The following LAMA1 variants were observed in gnomAD, a reference collection of about 807,000 sequenced individuals.
The protein encoded by LAMA1 is laminin subunit alpha 1, also known as laminin subunit alpha-1.
Under a neutral mutation model 348.7 loss-of-function variants are expected in LAMA1, and 219 were observed. The observed-to-expected ratio is 0.63, with a 90% CI of 0.56 to 0.70. The LOEUF (loss-of-function observed/expected upper bound fraction) is 0.70, where lower values mean the gene tolerates loss of function less well. LAMA1 is among the 30% of genes least tolerant of loss of function. The pLI is 0.00. For synonymous variants in LAMA1, 1,487 were observed against 1,491.0 expected, an observed-to-expected ratio of 1.00 and a Z score of 0.06; for missense variants, 3,744 against 3,888.0, an observed-to-expected ratio of 0.96 and a Z score of 0.99.
intron 3 of LAMA1, among the ~76,000 whole-genome samples, chr18:7,078,308 A>G (rs1405075165): frequency 3.3e-5 from 5 of 151,090 alleles, no homozygotes; most frequent in Admixed American, 3.3e-4. Flanking sequence ...CTGGGACTAC[A>G]GGCGCCTGCC....
intron 1 of LAMA1, among the ~76,000 whole-genome samples, chr18:7,098,707 G>A (rs543761969): frequency 7.5e-5 from 11 of 147,034 alleles, no homozygotes; most frequent in African/African-American, 2.8e-4. Context: ...CACCCCATCC[G>A]GGAGGGAGGT....
At chr18:6,977,423 G>A (rs556951428) in intron 44 of LAMA1, among the ~76,000 whole-genome samples, 91 of 152,312 alleles carry the variant, frequency 6.0e-4, no homozygotes, top group African/African-American at 2.1e-3. Context: ...GACATGTTCC[G>A]CACTGTCCAG....
chr18:7,034,543 G>A lies in LAMA1; in HGVS notation c.1987C>T (p.Leu663Phe). 6.2e-7 allele frequency: 1 copy of A among 1,614,134 alleles called. No individual in the cohort carries two copies. Among genetic ancestry groups the A allele is most frequent in the Non-Finnish European group, 8.5e-7 (1 of 1,180,038 alleles). The change falls in exon 14 of 63, where the codon CTT becomes TTT. Residue 663 changes from leucine (L) to phenylalanine (F), a missense_variant. Physicochemically the swap from Leu to Phe is conservative, Grantham distance 22 (BLOSUM62 0). Coordinates refer to ENST00000389658, the MANE Select transcript of LAMA1 (RefSeq NM_005559.4). ...ATCAAAAGATGTGTCACATTGGCAA[G>A]GACAGTCATCAGCTGGTCACGATCA... ...QIDRDQLMTV[L>F]ANVTHLLIRA...
rs200867771 is a variant in LAMA1, at chr18:7,017,332, G to A, written c.2754C>T (p.Thr918=). ...CGTTTGGTTTGCAGTCACAGAGCCC[G>A]GTCTCAAGATGGCACACGGCAGAAT... ...GSHSAVCHLE[T]GLCDCKPNVT... The change falls in exon 20 of 63, where the codon ACC becomes ACT. Residue 918 remains threonine (T), a synonymous_variant. Coordinates refer to ENST00000389658, the MANE Select transcript of LAMA1 (RefSeq NM_005559.4). 9.9e-6 allele frequency: 16 copies of A among 1,614,002 alleles called. No individual in the cohort carries two copies. Among genetic ancestry groups the A allele is most frequent in the East Asian group, 4.5e-5 (2 of 44,866 alleles).
chr18:6,961,090 T>C (rs1042361488), intron 53 of LAMA1, among the ~76,000 whole-genome samples: 2 of 152,192 alleles, frequency 1.3e-5, no homozygotes, highest in African/African-American at 2.4e-5. Context: ...AAAAGGAACA[T>C]AAATAAGGAA....
chr18:7,051,036 T>C lies in LAMA1; in HGVS notation c.346-100A>G, dbSNP rs2058060745. ...TCTAACTTAAAGGTAGAATCTAAGA[T>C]AGTTGAACTTAGAATCAGACAGTAG... is the stretch of plus-strand genomic sequence containing the variant. On this transcript the variant is annotated intron_variant, in intron 3 of 62. Transcript: ENST00000389658. 38 of 1,454,840 alleles carry C rather than the reference T, an allele frequency of 2.6e-5. 1 individual carries two copies. The highest frequency in any genetic ancestry group is 1.8e-4 in the South Asian group (15 of 82,118). 90.1% of individuals were successfully genotyped at this position (1,454,840 alleles called of 1,614,324 possible). A position where few individuals can be genotyped will look rare whatever the true frequency, so the allele number is the denominator to read the frequency against.
At chr18:7,097,967 C>G (rs1405020443) in intron 1 of LAMA1, among the ~76,000 whole-genome samples, 2 of 150,720 alleles carry the variant, frequency 1.3e-5, no homozygotes, top group African/African-American at 2.4e-5. Flanking sequence ...CTGCCTGATT[C>G]TCCTGACTCA....
intron 1 of LAMA1, among the ~76,000 whole-genome samples, chr18:7,083,008 G>A (rs6506472): frequency 0.46 from 69,868 of 151,342 alleles, 16,736 homozygotes; most frequent in East Asian, 0.85. Flanking sequence ...GAGTCATGGA[G>A]GCACCACACA....
chr18:7,058,952 C>T (rs1327371989), intron 3 of LAMA1, among the ~76,000 whole-genome samples: 1 of 152,116 alleles, frequency 6.6e-6, no homozygotes, highest in Non-Finnish European at 1.5e-5. Context: ...TGCAATGGCA[C>T]AATCTCGACT....
At chr18:7,117,636 C>T in intron 1 of LAMA1, 24 bp downstream of exon 1, 5 of 1,594,794 alleles carry the variant, frequency 3.1e-6, no homozygotes, top group Non-Finnish European at 4.2e-6. Flanking sequence ...GGGACAGGGA[C>T]CCTAGGACCC....
At position 6,965,331 on chromosome 18, in the gene LAMA1, A is replaced by G. The variant is rs781673963; in HGVS notation, c.7152T>C (p.Asn2384=). 6 of 1,614,214 alleles carry G rather than the reference A, an allele frequency of 3.7e-6. No individual in the cohort carries two copies. Among genetic ancestry groups the G allele is most frequent in the Non-Finnish European group, 3.4e-6 (4 of 1,180,038 alleles). Reference sequence around the variant, plus strand: ...GGAAGGCAATTTTGTACCAGGTTCCATTGTTATAACGTCTGTCTGTCAAAA... The same window carrying G: ...GGAAGGCAATTTTGTACCAGGTTCCGTTGTTATAACGTCTGTCTGTCAAAA... The part of the protein sequence containing the change: ...ITLLTDRRYN[N]GTWYKIAFQR... Residue 2384 remains asparagine (N), a synonymous_variant, in exon 50 of 63, where the codon AAT becomes AAC. Transcript: ENST00000389658.
chr18:7,016,387 A>T (rs2057887864), intron 21 of LAMA1, 104 bp downstream of exon 21: 4 of 1,252,258 alleles, frequency 3.2e-6, no homozygotes, highest in Non-Finnish European at 4.6e-6. Flanking sequence ...GAAAGAAGAG[A>T]AAAAGTAAAG....
At chr18:7,019,514 C>G (rs2057905597) in intron 19 of LAMA1, among the ~76,000 whole-genome samples, 1 of 152,082 alleles carries the variant, frequency 6.6e-6, no homozygotes, top group African/African-American at 2.4e-5. Context: ...CTGTCACATT[C>G]AGTATTTCTT....
At chr18:7,022,669 G>A (rs1040700131) in intron 19 of LAMA1, among the ~76,000 whole-genome samples, 21 of 152,290 alleles carry the variant, frequency 1.4e-4, no homozygotes, top group African/African-American at 4.3e-4. Context: ...TTCAAGGATC[G>A]AATTCAGCAG....
chr18:7,014,509 C>A (rs1475180751), intron 22 of LAMA1, among the ~76,000 whole-genome samples: 1 of 151,896 alleles, frequency 6.6e-6, no homozygotes, highest in Non-Finnish European at 1.5e-5. Context: ...GTAGTCCCAG[C>A]CACTTGGGGG....
In LAMA1 at chr18:7,033,107, C is replaced by A; in HGVS notation, c.2052-12G>T. 1 of 1,573,012 alleles carries A rather than the reference C, an allele frequency of 6.4e-7. No homozygotes were observed. Among genetic ancestry groups the A allele is most frequent in the Non-Finnish European group, 8.7e-7 (1 of 1,147,466 alleles). ...AGACGGACTCCAACCTACAAATAGA[C>A]AGATTGTTATGTGACTCACACGCTC... On this transcript the variant is annotated splice_polypyrimidine_tract_variant and intron_variant, in intron 14 of 62. Coordinates refer to ENST00000389658, the MANE Select transcript of LAMA1 (RefSeq NM_005559.4).
chr18:7,002,007 G>C (rs917061206), intron 30 of LAMA1, among the ~76,000 whole-genome samples: 15 of 152,188 alleles, frequency 9.9e-5, no homozygotes, highest in African/African-American at 3.6e-4. Flanking sequence ...GCTAAAATGA[G>C]TCTTAAAAAA....
intron 57 of LAMA1, chr18:6,954,706 C>A (rs1405894302): frequency 1.2e-5 from 2 of 162,400 alleles, no homozygotes; most frequent in Admixed American, 5.7e-5. Context: ...GCAGGAGCTG[C>A]AGAAGACAGA....
intron 61 of LAMA1, 87 bp from the exon 62 acceptor site, chr18:6,943,489 ATTATG>A: frequency 3.6e-6 from 4 of 1,101,892 alleles, no homozygotes; most frequent in Non-Finnish European, 4.2e-6. Flanking sequence ...AAATTGCAGC[ATTATG>A]TTTAAAAGGA....
Sources: gnomAD v4.1 joint callset for allele counts (sites outside exome capture counted in the v4.1 genomes callset) on GRCh38, gnomAD v4.1.1 for gene constraint, MANE v1.5 for transcripts, NCBI Gene and HGNC (gene_info 2026-07-23, HGNC 2026-07-21) for gene names.